Variants in BICD1 observed in about 807,000 individuals in gnomAD.
BICD1 encodes protein bicaudal D homolog 1.
In BICD1, 35 loss-of-function variants were observed where a neutral mutation model predicts 92.5. That is an observed-to-expected ratio of 0.38 (90% CI 0.29 to 0.50). BICD1 has a LOEUF of 0.50. Ranked by LOEUF, BICD1 falls within the 20% of genes least tolerant of loss-of-function variation. The pLI is 0.93. For missense variants in BICD1, 950 were observed against 1,189.8 expected, an observed-to-expected ratio of 0.80 and a Z score of 2.97; for synonymous variants, 429 against 465.1, an observed-to-expected ratio of 0.92 and a Z score of 1.00.
intron 1 of BICD1, among the ~76,000 whole-genome samples, chr12:32,159,264 A>G (rs1054656720): frequency 3.9e-5 from 6 of 152,166 alleles, no homozygotes; most frequent in African/African-American, 1.4e-4. Context: ...GTTTCCTAGC[A>G]TATAAACTAG....
At chr12:32,267,147 C>T (rs975160546) in intron 2 of BICD1, among the ~76,000 whole-genome samples, 63 of 152,306 alleles carry the variant, frequency 4.1e-4, no homozygotes, top group African/African-American at 1.4e-3. Flanking sequence ...TGTTACCATG[C>T]AATCGAAAGA....
At chr12:32,315,862 G>T (rs182192364) in intron 4 of BICD1, among the ~76,000 whole-genome samples, 2 of 152,070 alleles carry the variant, frequency 1.3e-5, no homozygotes, top group Non-Finnish European at 2.9e-5. Flanking sequence ...GGGGCTGGGC[G>T]TGGTGGCTCA....
At chr12:32,295,330 T>C (rs1477913079) in intron 3 of BICD1, among the ~76,000 whole-genome samples, 1 of 152,166 alleles carries the variant, frequency 6.6e-6, no homozygotes, top group African/African-American at 2.4e-5. Flanking sequence ...GTGAATTGGA[T>C]GTTCGAGTTC....
In BICD1 at chr12:32,276,383, G is replaced by A. The variant is rs192232435; in HGVS notation, c.427-17611G>A. Among the ~76,000 whole-genome samples the A allele has an allele frequency of 9.9e-5, 15 of 152,284 alleles. No homozygotes were observed. In the East Asian group the frequency reaches 1.5e-3, roughly 16 times the overall value. ...CAGGACTAGCTGGATTTCCTAGGCC[G>A]ACTAAGAATCCCTAAGCCTAGCTGG... On this transcript the variant is annotated intron_variant, in intron 2 of 9. Coordinates refer to ENST00000652176, the MANE Select transcript of BICD1 (RefSeq NM_001714.4).
chr12:32,209,492 C>T (rs1945152656), intron 1 of BICD1, among the ~76,000 whole-genome samples: 1 of 152,162 alleles, frequency 6.6e-6, no homozygotes, highest in African/African-American at 2.4e-5. Context: ...GTTATATGTT[C>T]AAATAAAGTA....
intron 1 of BICD1, among the ~76,000 whole-genome samples, chr12:32,145,420 A>G (rs1461158682): frequency 6.6e-6 from 1 of 152,172 alleles, no homozygotes; most frequent in African/African-American, 2.4e-5. Flanking sequence ...TTGACTTGTG[A>G]TGTATTGACT....
In BICD1 at chr12:32,154,112, A is replaced by G. The variant is rs1165640400; in HGVS notation, c.213+46568A>G. Among the ~76,000 whole-genome samples the G allele has an allele frequency of 2.6e-5, 4 of 152,114 alleles. No homozygotes were observed. In the East Asian group the frequency reaches 7.7e-4, roughly 29 times the overall value. On this transcript the variant is annotated intron_variant, in intron 1 of 9. Transcript: ENST00000652176. ...CAAGTTATTGCTGTGCAGGCAAAAA[A>G]CAGACAAAAGACTCACCCAACTCTA...
chr12:32,199,990 T>C (rs1423820297), intron 1 of BICD1, among the ~76,000 whole-genome samples: 1 of 152,218 alleles, frequency 6.6e-6, no homozygotes, highest in Non-Finnish European at 1.5e-5. Context: ...CTGGCTTTTT[T>C]AACTTTTAAT....
At chr12:32,150,554 A>T (rs1354650221) in intron 1 of BICD1, among the ~76,000 whole-genome samples, 3 of 152,162 alleles carry the variant, frequency 2.0e-5, no homozygotes, top group Non-Finnish European at 4.4e-5. Flanking sequence ...ACCAGGTAAA[A>T]TGTTTCTTTT....
chr12:32,113,903 G>A (rs1413578382), intron 1 of BICD1, among the ~76,000 whole-genome samples: 6 of 149,168 alleles, frequency 4.0e-5, no homozygotes, highest in Non-Finnish European at 8.9e-5. Flanking sequence ...ACAGAATCTC[G>A]CTCTGTCGCC....
rs1360658221 is a variant in BICD1 at position 32,379,855 on chromosome 12, T to A, written c.*2228T>A. ...ACTGGGAGTTCAGCAGGAAGTATTG[T>A]CTGTGTGTGATGACGGGGCAGTATT... On this transcript the variant is annotated 3_prime_UTR_variant, in exon 10 of 10. Coordinates refer to ENST00000652176, the MANE Select transcript of BICD1 (RefSeq NM_001714.4). 1 of 152,214 alleles carries A rather than the reference T, an allele frequency of 6.6e-6. No homozygotes were observed. The highest frequency in any genetic ancestry group is 2.4e-5 in the African/African-American group (1 of 41,450). 9.4% of individuals were successfully genotyped at this position (152,214 alleles called of 1,614,324 possible). A position where few individuals can be genotyped will look rare whatever the true frequency, so the allele number is the denominator to read the frequency against.
intron 1 of BICD1, among the ~76,000 whole-genome samples, chr12:32,124,099 A>G (rs1355756026): frequency 6.6e-6 from 1 of 152,184 alleles, no homozygotes; most frequent in Non-Finnish European, 1.5e-5. Context: ...GCCAAAGGGG[A>G]CATAAAGACA....
intron 1 of BICD1, among the ~76,000 whole-genome samples, chr12:32,126,972 TGC>T (rs1565533293): frequency 6.6e-6 from 1 of 152,172 alleles, no homozygotes; most frequent in Non-Finnish European, 1.5e-5. Context: ...TTCATGTCTT[TGC>T]TCATTTACCA....
intron 2 of BICD1, among the ~76,000 whole-genome samples, chr12:32,219,074 A>G (rs1945439064): frequency 6.6e-6 from 1 of 152,192 alleles, no homozygotes; most frequent in Non-Finnish European, 1.5e-5. Context: ...ATTGGAAGAG[A>G]GATCATGTAA....
chr12:32,367,924 C>G, intron 9 of BICD1, 179 bp downstream of exon 9: 1 of 595,854 alleles, frequency 1.7e-6, no homozygotes, highest in Non-Finnish European at 3.0e-6. Flanking sequence ...AGTAGGAATA[C>G]AAGAGAGCTG....
chr12:32,359,507 ATAACCCATGAATCCAT>A (rs67077130), intron 8 of BICD1, among the ~76,000 whole-genome samples: 68,363 of 151,084 alleles, frequency 0.45, 16,002 homozygotes, highest in Admixed American at 0.52. Flanking sequence ...CACTCCCATC[ATAACCCATGAATCCAT>A]TAACCCATGA....
At chr12:32,225,579 C>G (rs1945654590) in intron 2 of BICD1, among the ~76,000 whole-genome samples, 1 of 149,388 alleles carries the variant, frequency 6.7e-6, no homozygotes, top group Non-Finnish European at 1.5e-5. Context: ...CCTGTTGCCC[C>G]TATTCTTTCC....
chr12:32,234,692 G>A (rs1293412591), intron 2 of BICD1, among the ~76,000 whole-genome samples: 1 of 136,078 alleles, frequency 7.3e-6, no homozygotes, highest in Non-Finnish European at 1.5e-5. Flanking sequence ...TTTTTTTCTG[G>A]AGTTAGAGTC....
At chr12:32,375,867 T>G (rs1339807629) in intron 9 of BICD1, among the ~76,000 whole-genome samples, 1 of 152,188 alleles carries the variant, frequency 6.6e-6, no homozygotes, top group Non-Finnish European at 1.5e-5. Flanking sequence ...TTAAACTCCA[T>G]TAAATTTAAA....
Sources: allele counts gnomAD v4.1 joint callset (sites outside exome capture counted in the v4.1 genomes callset), GRCh38; gene constraint gnomAD v4.1.1; transcripts MANE v1.5; gene names NCBI Gene and HGNC (gene_info 2026-07-23, HGNC 2026-07-21).